PTPRM: variants seen among roughly 807,000 people sequenced by gnomAD.
PTPRM encodes the protein receptor-type tyrosine-protein phosphatase mu.
In PTPRM, 47 loss-of-function variants were observed where a neutral mutation model predicts 186.7. The ratio of observed to expected loss-of-function variants is 0.25; its 90% confidence interval spans 0.20 to 0.32. PTPRM has a LOEUF of 0.32. Ranked by LOEUF, PTPRM falls within the 10% of genes least tolerant of loss-of-function variation. The pLI is 1.00. For missense variants in PTPRM, 1,494 were observed against 1,865.0 expected (o/e 0.80, Z 3.66); for synonymous variants, 668 against 674.9 (o/e 0.99, Z 0.16).
intron 19 of PTPRM, among the ~76,000 whole-genome samples, chr18:8,258,027 C>T (rs913819929): frequency 6.6e-6 from 1 of 152,078 alleles, no homozygotes; most frequent in Non-Finnish European, 1.5e-5. Flanking sequence ...GCACCTCTCA[C>T]CAGGGAGATG....
chr18:8,343,658 C>A, intron 23 of PTPRM, 138 bp downstream of exon 23: 1 of 633,666 alleles, frequency 1.6e-6, no homozygotes, highest in East Asian at 3.0e-5. Context: ...CTATTGCTTG[C>A]TGCACTTGCT....
intron 30 of PTPRM, 81 bp from the exon 31 acceptor site, chr18:8,386,991 T>A: frequency 1.5e-6 from 2 of 1,369,580 alleles, no homozygotes; most frequent in East Asian, 4.6e-5. Context: ...GAAGATCAAG[T>A]AAGTGGAATC....
At chr18:7,891,065 C>G (rs912291088) in intron 3 of PTPRM, among the ~76,000 whole-genome samples, 1 of 151,366 alleles carries the variant, frequency 6.6e-6, no homozygotes, top group African/African-American at 2.4e-5. Flanking sequence ...TCACCTGGGT[C>G]CAGGAGTTTA....
intron 8 of PTPRM, among the ~76,000 whole-genome samples, chr18:8,070,374 A>T (rs561614851): frequency 6.9e-6 from 1 of 145,172 alleles, no homozygotes; most frequent in Non-Finnish European, 1.5e-5. Flanking sequence ...GTTTACCTAA[A>T]TATATTTAAA....
intron 23 of PTPRM, among the ~76,000 whole-genome samples, chr18:8,345,858 C>A (rs930143567): frequency 6.6e-6 from 1 of 151,936 alleles, no homozygotes; most frequent in African/African-American, 2.4e-5. Context: ...TAGGTCCAAG[C>A]AGGCCAGATG....
chr18:8,346,271 G>T (rs2095504507), intron 23 of PTPRM, among the ~76,000 whole-genome samples: 1 of 152,208 alleles, frequency 6.6e-6, no homozygotes, highest in Admixed American at 6.5e-5. Flanking sequence ...AAGCCAGGAG[G>T]CTTACACAAC....
intron 32 of PTPRM, among the ~76,000 whole-genome samples, chr18:8,396,292 G>A (rs621799): frequency 0.99 from 151,563 of 152,364 alleles, 75,391 homozygotes; most frequent in Middle Eastern, 1. Flanking sequence ...TTTGTGAGGT[G>A]GTTAACCTCA....
chr18:7,883,742 A>G (rs1353421852), intron 2 of PTPRM, among the ~76,000 whole-genome samples: 1 of 152,244 alleles, frequency 6.6e-6, no homozygotes. Flanking sequence ...TCTCAGTACT[A>G]ATGTTCTTCT....
chr18:8,113,602 A>G lies in PTPRM; in HGVS notation c.1973A>G (p.Gln658Arg). ...HFQNASLLNS[Q>R]YYFAAEFPAD... ...CAGAATGCTTCTCTGCTGAACTCACAGTACTACTTTGCTGCAGAATTTCCT... is the reference window on the plus strand; with the variant it reads ...CAGAATGCTTCTCTGCTGAACTCACGGTACTACTTTGCTGCAGAATTTCCT... The change falls in exon 12 of 33, where the codon CAG becomes CGG. Residue 658 changes from glutamine (Q) to arginine (R), a missense_variant. Coordinates refer to ENST00000580170, the MANE Select transcript of PTPRM (RefSeq NM_001105244.2). 6.2e-7 allele frequency: 1 copy of G among 1,614,162 alleles called. No homozygotes were observed. Among genetic ancestry groups the G allele is most frequent in the Non-Finnish European group, 8.5e-7 (1 of 1,179,998 alleles).
chr18:8,005,028 A>G (rs1462527316), intron 7 of PTPRM, among the ~76,000 whole-genome samples: 1 of 152,218 alleles, frequency 6.6e-6, no homozygotes, highest in Non-Finnish European at 1.5e-5. Context: ...AATGATGAGC[A>G]TACACTATAT....
intron 7 of PTPRM, among the ~76,000 whole-genome samples, chr18:7,987,381 T>C (rs202076871): frequency 6.6e-6 from 1 of 152,218 alleles, no homozygotes; most frequent in African/African-American, 2.4e-5. Flanking sequence ...ATTTATTATC[T>C]ATAATTGTTT....
intron 1 of PTPRM, among the ~76,000 whole-genome samples, chr18:7,624,165 A>G (rs1348237895): frequency 6.6e-6 from 1 of 152,108 alleles, no homozygotes; most frequent in African/African-American, 2.4e-5. Context: ...CCATACAACT[A>G]ACTATTTATA....
chr18:8,400,163 C>T (rs1294744604), intron 32 of PTPRM, among the ~76,000 whole-genome samples: 1 of 152,168 alleles, frequency 6.6e-6, no homozygotes, highest in Non-Finnish European at 1.5e-5. Flanking sequence ...CCATCACGTG[C>T]CTTGTAAGAT....
intron 22 of PTPRM, among the ~76,000 whole-genome samples, chr18:8,333,679 A>G (rs892060494): frequency 6.6e-6 from 1 of 152,186 alleles, no homozygotes; most frequent in African/African-American, 2.4e-5. Context: ...TTTAAAATGA[A>G]TGCCTCTCAG....
At chr18:7,901,150 A>G (rs2049656157) in intron 3 of PTPRM, among the ~76,000 whole-genome samples, 1 of 152,196 alleles carries the variant, frequency 6.6e-6, no homozygotes. Context: ...CACTAGAGCA[A>G]TACCTGTACT....
intron 14 of PTPRM, among the ~76,000 whole-genome samples, chr18:8,169,371 T>C (rs886271267): frequency 4.0e-5 from 6 of 151,786 alleles, no homozygotes; most frequent in Non-Finnish European, 7.4e-5. Flanking sequence ...CTTATCAAAT[T>C]AGTAAGACAA....
At chr18:8,139,765 T>C (rs2092721000) in intron 13 of PTPRM, among the ~76,000 whole-genome samples, 1 of 150,934 alleles carries the variant, frequency 6.6e-6, no homozygotes, top group Admixed American at 6.6e-5. Flanking sequence ...CAATCCCCCA[T>C]CCTAATAGCT....
At chr18:8,034,962 C>A (rs1451125315) in intron 7 of PTPRM, among the ~76,000 whole-genome samples, 1 of 152,162 alleles carries the variant, frequency 6.6e-6, no homozygotes, top group Non-Finnish European at 1.5e-5. Flanking sequence ...AGGATAACCC[C>A]ATTCTTATTC....
At chr18:7,886,214 G>A (rs2048776957) in intron 2 of PTPRM, among the ~76,000 whole-genome samples, 2 of 152,170 alleles carry the variant, frequency 1.3e-5, no homozygotes, top group Admixed American at 1.3e-4. Flanking sequence ...CTAAGAGCAG[G>A]AAAACACAAT....
Sources: allele counts gnomAD v4.1 joint callset (sites outside exome capture counted in the v4.1 genomes callset), GRCh38; gene constraint gnomAD v4.1.1; transcripts MANE v1.5; gene names NCBI Gene and HGNC (gene_info 2026-07-23, HGNC 2026-07-21).